The following SORCS2 variants were observed in gnomAD, a reference collection of about 807,000 sequenced individuals.
The protein encoded by SORCS2 is VPS10 domain-containing receptor SorCS2.
In SORCS2, 100 loss-of-function variants were observed where a neutral mutation model predicts 141.6. The observed-to-expected ratio is 0.71, with a 90% CI of 0.60 to 0.83. The LOEUF (loss-of-function observed/expected upper bound fraction) is 0.83. Among genes scored for constraint, SORCS2 ranks in the 40% least tolerant of loss-of-function variants. SORCS2 has a pLI of 0.00. For synonymous variants in SORCS2, 789 were observed against 676.9 expected (o/e 1.17, Z -2.57); for missense variants, 1,646 against 1,560.2 (o/e 1.05, Z -0.93).
At chr4:7,244,918 G>T (rs140063382) in intron 1 of SORCS2, among the ~76,000 whole-genome samples, 1 of 152,150 alleles carries the variant, frequency 6.6e-6, no homozygotes, top group African/African-American at 2.4e-5. Flanking sequence ...AGCCCAGCCC[G>T]CCGCCCCTTC....
chr4:7,511,807 A>G (rs1381737859), intron 2 of SORCS2, among the ~76,000 whole-genome samples: 5 of 152,182 alleles, frequency 3.3e-5, no homozygotes, highest in African/African-American at 9.7e-5. Context: ...GCTCAGATGC[A>G]GAAAATTCAG....
intron 4 of SORCS2, among the ~76,000 whole-genome samples, chr4:7,647,960 C>A (rs541402984): frequency 6.6e-6 from 1 of 152,190 alleles, no homozygotes; most frequent in Non-Finnish European, 1.5e-5. Flanking sequence ...AGCTTCACTG[C>A]GGTAGCTTGC....
intron 1 of SORCS2, among the ~76,000 whole-genome samples, chr4:7,375,542 C>T (rs930809634): frequency 6.6e-6 from 1 of 152,160 alleles, no homozygotes; most frequent in African/African-American, 2.4e-5. Flanking sequence ...GTCATGGGAG[C>T]GATGCCCGTG....
chr4:7,395,701 TCAA>T (rs1438802976), intron 1 of SORCS2, among the ~76,000 whole-genome samples: 5 of 152,172 alleles, frequency 3.3e-5, no homozygotes, highest in Non-Finnish European at 7.3e-5. Context: ...ATGAATGGTC[TCAA>T]CAACAAGAAA....
At chr4:7,731,456 GA>G (rs903185809) in intron 23 of SORCS2, among the ~76,000 whole-genome samples, 7 of 150,968 alleles carry the variant, frequency 4.6e-5, no homozygotes, top group East Asian at 1.9e-4. Flanking sequence ...CACAGAAATA[GA>G]AAAAAAAATC....
intron 2 of SORCS2, among the ~76,000 whole-genome samples, chr4:7,514,497 G>A (rs1187582067): frequency 1.3e-5 from 2 of 151,912 alleles, no homozygotes; most frequent in Non-Finnish European, 2.9e-5. Flanking sequence ...TATGAATAGA[G>A]GCCAAGCAGA....
rs1390252492 is a variant in SORCS2, at chr4:7,729,776, C to T, written c.3108+64C>T. On this transcript the variant is annotated intron_variant, in intron 23 of 26. Transcript: ENST00000507866. Reference sequence around the variant, plus strand: ...CACATCCCAGGGCTCGGGTCATTTACAACAAGCAGGGACGTCTCAGTGGCT... The same window carrying T: ...CACATCCCAGGGCTCGGGTCATTTATAACAAGCAGGGACGTCTCAGTGGCT... 4 of 1,562,820 alleles carry T rather than the reference C, an allele frequency of 2.6e-6. No individual in the cohort carries two copies. The African/African-American group carries it at 5.4e-5, about 21-fold the overall frequency.
At position 7,395,973 on chromosome 4, in the gene SORCS2, A is replaced by G. The variant is rs1389908739; in HGVS notation, c.481-315A>G. Among the ~76,000 whole-genome samples the G allele has an allele frequency of 2.6e-5, 4 of 152,234 alleles. No homozygotes were observed. In the East Asian group the frequency reaches 7.7e-4, roughly 29 times the overall value. On this transcript the variant is annotated intron_variant, in intron 1 of 26. Transcript: ENST00000507866. ...ACTGCCCTGGCACTCCCTTTGCCAC[A>G]GTTTGGGATTGTCCAGGGCTGGGTT... is the stretch of plus-strand genomic sequence containing the variant.
At chr4:7,280,116 G>A (rs1715772223) in intron 1 of SORCS2, among the ~76,000 whole-genome samples, 1 of 152,076 alleles carries the variant, frequency 6.6e-6, no homozygotes, top group African/African-American at 2.4e-5. Flanking sequence ...CTTTTTGGGT[G>A]GCATGACTCA....
chr4:7,343,736 C>T (rs558595575), intron 1 of SORCS2, among the ~76,000 whole-genome samples: 23 of 152,338 alleles, frequency 1.5e-4, no homozygotes, highest in Admixed American at 2.6e-4. Flanking sequence ...GCCACTAGCA[C>T]CCACCTAGTG....
chr4:7,308,700 ACCAGCACCCTGTCCTCTCTCT>A lies in SORCS2; in HGVS notation c.481-87553_481-87533del, dbSNP rs796316384. 1.6e-3 allele frequency among the ~76,000 whole-genome samples: 236 copies of A among 150,434 alleles called. 1 individual carries two copies. Among genetic ancestry groups the A allele is most frequent in the Middle Eastern group, 6.8e-3 (2 of 294 alleles). On this transcript the variant is annotated intron_variant, in intron 1 of 26. Transcript: ENST00000507866. ...TCTCTTCTTCACTCCCCCTCTTCCC[ACCAGCACCCTGTCCTCTCTCT>A]CCAGCACCCTGTCCTCTCTCTCCAG...
chr4:7,689,608 G>C lies in SORCS2; in HGVS notation c.1591+20G>C. On this transcript the variant is annotated intron_variant, in intron 11 of 26. Transcript: ENST00000507866. ...GTGCAGGTAGGTGGCTTCCATCACA[G>C]GTGGCTGGCAGGTGCCATTACAGCC... 6.4e-7 allele frequency: 1 copy of C among 1,560,432 alleles called. No individual in the cohort carries two copies. Among genetic ancestry groups the C allele is most frequent in the Non-Finnish European group, 8.7e-7 (1 of 1,152,396 alleles).
chr4:7,466,914 A>G (rs988489210), intron 2 of SORCS2, among the ~76,000 whole-genome samples: 1 of 152,080 alleles, frequency 6.6e-6, no homozygotes, highest in Non-Finnish European at 1.5e-5. Context: ...ATGGACCTAA[A>G]TGCCAGGGGA....
chr4:7,578,111 T>C (rs1253408327), intron 3 of SORCS2, among the ~76,000 whole-genome samples: 1 of 152,214 alleles, frequency 6.6e-6, no homozygotes, highest in Non-Finnish European at 1.5e-5. Context: ...TAATGTCCTC[T>C]CAGGATTGAG....
intron 4 of SORCS2, among the ~76,000 whole-genome samples, chr4:7,647,971 A>T (rs1011191929): frequency 6.6e-6 from 1 of 152,224 alleles, no homozygotes. Flanking sequence ...GGTAGCTTGC[A>T]TAGTGTCTCA....
intron 1 of SORCS2, among the ~76,000 whole-genome samples, chr4:7,231,567 G>T (rs983013281): frequency 5.9e-5 from 9 of 152,124 alleles, no homozygotes; most frequent in African/African-American, 1.7e-4. Flanking sequence ...CCACTCATTT[G>T]TTCATTCACT....
intron 1 of SORCS2, among the ~76,000 whole-genome samples, chr4:7,347,010 A>G (rs1720687551): frequency 6.6e-6 from 1 of 152,238 alleles, no homozygotes; most frequent in Non-Finnish European, 1.5e-5. Flanking sequence ...ATATTTGCTG[A>G]TTGAATGAAG....
intron 2 of SORCS2, among the ~76,000 whole-genome samples, chr4:7,416,932 ACGCACACATACTCT>A (rs1173867316): frequency 1.3e-5 from 2 of 151,944 alleles, no homozygotes; most frequent in Non-Finnish European, 2.9e-5. Context: ...ATTCACACAC[ACGCACACATACTCT>A]CGCACACACA....
At chr4:7,608,725 G>T (rs1718211407) in intron 3 of SORCS2, among the ~76,000 whole-genome samples, 1 of 152,150 alleles carries the variant, frequency 6.6e-6, no homozygotes, top group African/African-American at 2.4e-5. Flanking sequence ...CTGCCCTCCG[G>T]TCATGCCCAC....
Sources: allele counts gnomAD v4.1 joint callset (sites outside exome capture counted in the v4.1 genomes callset), GRCh38; gene constraint gnomAD v4.1.1; transcripts MANE v1.5; gene names NCBI Gene and HGNC (gene_info 2026-07-23, HGNC 2026-07-21).